The following CCSER1 variants were observed in gnomAD, a reference collection of about 807,000 sequenced individuals.
CCSER1 encodes the protein coiled-coil serine rich protein 1.
A neutral mutation model predicts 82.0 loss-of-function variants in CCSER1; 41 were observed. The observed-to-expected ratio is 0.50, with a 90% confidence interval of 0.39 to 0.65. The LOEUF is 0.65. Among genes scored for constraint, CCSER1 ranks in the 30% least tolerant of loss-of-function variants. The probability of loss-of-function intolerance (pLI) is 0.00; values close to 1 mark genes in which losing one functional copy is unlikely to be tolerated. For missense variants in CCSER1, 1,119 were observed against 1,064.2 expected (o/e 1.05, Z -0.72); for synonymous variants, 414 against 383.9 (o/e 1.08, Z -0.92).
chr4:90,442,864 G>T (rs1052770705), intron 4 of CCSER1, among the ~76,000 whole-genome samples: 1 of 152,064 alleles, frequency 6.6e-6, no homozygotes, highest in Non-Finnish European at 1.5e-5. Flanking sequence ...AGAGAGTGCC[G>T]GTCCTTGGTC....
At chr4:91,325,633 T>A (rs953998233) in intron 10 of CCSER1, among the ~76,000 whole-genome samples, 1 of 152,164 alleles carries the variant, frequency 6.6e-6, no homozygotes. Flanking sequence ...TAAAAGTCTC[T>A]CCTTTCATCC....
intron 6 of CCSER1, among the ~76,000 whole-genome samples, chr4:90,706,508 ATAATCT>A (rs1739385361): frequency 6.6e-6 from 1 of 152,182 alleles, no homozygotes. Context: ...AAAGTTAAAG[ATAATCT>A]TAATAGCAGA....
At chr4:90,929,035 TCTC>T (rs1209679318) in intron 9 of CCSER1, among the ~76,000 whole-genome samples, 1 of 152,068 alleles carries the variant, frequency 6.6e-6, no homozygotes, top group Non-Finnish European at 1.5e-5. Flanking sequence ...TACATTTGCT[TCTC>T]CTCTTTCTGT....
At chr4:90,422,785 C>T (rs971050284) in intron 4 of CCSER1, among the ~76,000 whole-genome samples, 1 of 152,152 alleles carries the variant, frequency 6.6e-6, no homozygotes, top group Non-Finnish European at 1.5e-5. Flanking sequence ...GGCTGTGTCT[C>T]AAATGGATAT....
intron 4 of CCSER1, among the ~76,000 whole-genome samples, chr4:90,400,797 A>G (rs1037487839): frequency 6.6e-6 from 1 of 152,328 alleles, no homozygotes; most frequent in Admixed American, 6.5e-5. Context: ...TTGGTCGTCC[A>G]TTCAAATTTA....
intron 4 of CCSER1, among the ~76,000 whole-genome samples, chr4:90,430,331 G>T (rs904411174): frequency 6.6e-6 from 1 of 151,876 alleles, no homozygotes; most frequent in African/African-American, 2.4e-5. Flanking sequence ...AATGTAAAAA[G>T]AGGGCAAAAC....
intron 10 of CCSER1, among the ~76,000 whole-genome samples, chr4:91,364,147 C>A (rs1197371910): frequency 1.3e-5 from 2 of 151,950 alleles, no homozygotes; most frequent in South Asian, 2.1e-4. Flanking sequence ...AGTATTAAGT[C>A]TTTAAATAAT....
intron 7 of CCSER1, among the ~76,000 whole-genome samples, chr4:90,736,474 T>C (rs1182918286): frequency 2.6e-5 from 4 of 152,158 alleles, no homozygotes; most frequent in African/African-American, 4.8e-5. Flanking sequence ...CTTTGTGTCT[T>C]TCTATATTTT....
chr4:90,568,726 C>A (rs1579212889), intron 5 of CCSER1, among the ~76,000 whole-genome samples: 1 of 148,892 alleles, frequency 6.7e-6, no homozygotes. Context: ...TTAGTTGTTT[C>A]ATAGATCTTT....
In CCSER1 at chr4:90,739,953, T is replaced by A. The variant is rs1269673592; in HGVS notation, c.2010+15962T>A. Among the ~76,000 whole-genome samples the A allele has an allele frequency of 2.6e-5, 4 of 152,192 alleles. No homozygotes were observed. In the East Asian group the frequency reaches 5.8e-4, roughly 22 times the overall value. On this transcript the variant is annotated intron_variant, in intron 7 of 10. Transcript: ENST00000509176. The stretch of plus-strand genomic sequence containing the variant: ...TGTAATTACTTACATGAGTTTTGGT[T>A]CCTATGAAGGTGCTTTTTTGTGTGG...
chr4:91,346,565 CTG>C, intron 10 of CCSER1, among the ~76,000 whole-genome samples: 1 of 152,250 alleles, frequency 6.6e-6, no homozygotes, highest in Non-Finnish European at 1.5e-5. Context: ...AATTGCAAAA[CTG>C]TCTTCCAAAG....
At chr4:90,668,618 G>A (rs1456322621) in intron 6 of CCSER1, among the ~76,000 whole-genome samples, 2 of 151,992 alleles carry the variant, frequency 1.3e-5, no homozygotes, top group African/African-American at 2.4e-5. Context: ...CATATACCAG[G>A]TATATGAGGT....
intron 7 of CCSER1, among the ~76,000 whole-genome samples, chr4:90,815,179 T>C (rs62309557): frequency 0.33 from 50,590 of 151,242 alleles, 8,567 homozygotes; most frequent in East Asian, 0.42. Context: ...TCAGAGAGTC[T>C]CAGGGAAAAC....
At chr4:90,891,536 G>A (rs1407274512) in intron 8 of CCSER1, among the ~76,000 whole-genome samples, 9 of 152,010 alleles carry the variant, frequency 5.9e-5, no homozygotes, top group Admixed American at 5.2e-4. Flanking sequence ...AATACTAATT[G>A]TGGGTTTAAT....
chr4:91,021,742 C>A (rs1379217818), intron 9 of CCSER1, among the ~76,000 whole-genome samples: 1 of 152,016 alleles, frequency 6.6e-6, no homozygotes, highest in Non-Finnish European at 1.5e-5. Context: ...AACCATTAAC[C>A]ACGAATTAAT....
At chr4:91,080,668 A>G (rs895532687) in intron 9 of CCSER1, among the ~76,000 whole-genome samples, 1 of 152,192 alleles carries the variant, frequency 6.6e-6, no homozygotes, top group Non-Finnish European at 1.5e-5. Flanking sequence ...ATAGACCACT[A>G]GCAAGACTAA....
At chr4:90,918,898 A>T (rs1385141673) in intron 8 of CCSER1, among the ~76,000 whole-genome samples, 1 of 151,804 alleles carries the variant, frequency 6.6e-6, no homozygotes, top group Non-Finnish European at 1.5e-5. Context: ...TGCCTTTTCA[A>T]CATTTAGTTT....
intron 7 of CCSER1, among the ~76,000 whole-genome samples, chr4:90,747,647 CT>C (rs1747724289): frequency 6.7e-6 from 1 of 148,204 alleles, no homozygotes; most frequent in Non-Finnish European, 1.5e-5. Flanking sequence ...TTTTTTTTTT[CT>C]TTTTTTAAAT....
At chr4:90,214,906 T>C (rs1185226093) in intron 1 of CCSER1, among the ~76,000 whole-genome samples, 1 of 152,202 alleles carries the variant, frequency 6.6e-6, no homozygotes, top group Non-Finnish European at 1.5e-5. Flanking sequence ...ATTTTATTCC[T>C]TTTAATATAG....
Sources: gnomAD v4.1 joint callset for allele counts (sites outside exome capture counted in the v4.1 genomes callset) on GRCh38, gnomAD v4.1.1 for gene constraint, MANE v1.5 for transcripts, NCBI Gene and HGNC (gene_info 2026-07-23, HGNC 2026-07-21) for gene names.